The following DPP6 variants were observed in gnomAD, a reference collection of about 807,000 sequenced individuals.
DPP6 encodes A-type potassium channel modulatory protein DPP6.
DPP6 carries 69 observed loss-of-function variants against 122.6 expected under a neutral mutation model. The observed-to-expected ratio is 0.56, with a 90% CI of 0.46 to 0.69. DPP6 has a LOEUF of 0.69. DPP6 is among the 30% of genes least tolerant of loss of function. The pLI is 0.00. For synonymous variants in DPP6, 418 were observed against 433.1 expected, an observed-to-expected ratio of 0.97 and a Z score of 0.43; for missense variants, 928 against 1,116.9, an observed-to-expected ratio of 0.83 and a Z score of 2.41.
chr7:153,831,844 G>A, the DPP6 span, among the ~76,000 whole-genome samples: 3 of 152,132 alleles, frequency 2.0e-5, no homozygotes, highest in Non-Finnish European at 1.5e-5. Flanking sequence ...GGGCTGAGGT[G>A]GGCTCTAGGT....
At chr7:153,911,019 C>T (rs550035324) in intron 1 of DPP6, among the ~76,000 whole-genome samples, 1 of 152,282 alleles carries the variant, frequency 6.6e-6, no homozygotes, top group South Asian at 2.1e-4. Context: ...CCAGAGTGAT[C>T]GTTTTAGACA....
intron 1 of DPP6, among the ~76,000 whole-genome samples, chr7:154,129,865 A>T (rs536160491): frequency 6.6e-6 from 1 of 151,312 alleles, no homozygotes; most frequent in South Asian, 2.1e-4. Flanking sequence ...GTGCCACTGC[A>T]CTCCAGCCTG....
intron 1 of DPP6, among the ~76,000 whole-genome samples, chr7:154,017,719 TAAAAAAATAAAAAAA>T (rs1159376112): frequency 1.2e-5 from 1 of 83,738 alleles, no homozygotes; most frequent in East Asian, 3.0e-4. Context: ...AAAAAAAAAA[TAAAAAAATAAAAAAA>T]AAAAAAAGAA....
chr7:154,250,557 A>G (rs1209131681), intron 1 of DPP6, among the ~76,000 whole-genome samples: 2 of 152,158 alleles, frequency 1.3e-5, no homozygotes, highest in Non-Finnish European at 2.9e-5. Flanking sequence ...GATCCTGTGT[A>G]GGAACTGTAG....
At chr7:153,803,569 T>C in the DPP6 span, among the ~76,000 whole-genome samples, 1,431 of 152,040 alleles carry the variant, frequency 9.4e-3, 5 homozygotes, top group Non-Finnish European at 0.014. Context: ...CGGAATTATA[T>C]CACTGGCTTT....
intron 3 of DPP6, among the ~76,000 whole-genome samples, chr7:154,516,064 A>G (rs747985615): frequency 6.6e-6 from 1 of 152,114 alleles, no homozygotes; most frequent in South Asian, 2.1e-4. Context: ...CCTACAAATA[A>G]TCACTCTTCC....
intron 1 of DPP6, among the ~76,000 whole-genome samples, chr7:154,345,191 A>G (rs1269109230): frequency 6.6e-6 from 1 of 152,088 alleles, no homozygotes; most frequent in East Asian, 1.9e-4. Context: ...CTTGGTCTCC[A>G]CACCGGGCAG....
At chr7:154,193,644 G>A (rs1178424002) in intron 1 of DPP6, among the ~76,000 whole-genome samples, 1 of 152,124 alleles carries the variant, frequency 6.6e-6, no homozygotes, top group African/African-American at 2.4e-5. Flanking sequence ...GGGCATGGGG[G>A]CTTAGAGTGC....
chr7:153,786,323 G>A, the DPP6 span, among the ~76,000 whole-genome samples: 3 of 149,172 alleles, frequency 2.0e-5, no homozygotes, highest in African/African-American at 7.5e-5. Context: ...ATGAGGGATT[G>A]CATATCAAAT....
intron 1 of DPP6, 147 bp from the exon 2 acceptor site, chr7:154,446,066 AG>A (rs753957688): frequency 3.2e-4 from 178 of 564,632 alleles, no homozygotes; most frequent in Non-Finnish European, 4.7e-4. Context: ...AGGGTACAAA[AG>A]GGAACTAATA....
At position 154,411,818 on chromosome 7, in the gene DPP6, C is replaced by T. The variant is rs149246117; in HGVS notation, c.244-34396C>T. On this transcript the variant is annotated intron_variant, in intron 1 of 25. Coordinates refer to ENST00000377770, the MANE Select transcript of DPP6 (RefSeq NM_130797.4). Reference sequence around the variant, plus strand: ...AGTAATTTTAACTCTATGATTTGGGCGCTAATAATACTTATTGCAAGAGCA... The same window carrying T: ...AGTAATTTTAACTCTATGATTTGGGTGCTAATAATACTTATTGCAAGAGCA... 3.0e-4 allele frequency among the ~76,000 whole-genome samples: 46 copies of T among 152,142 alleles called. No individual in the cohort carries two copies. The East Asian group carries it at 5.4e-3, about 18-fold the overall frequency.
chr7:154,746,096 A>C (rs1843024613), intron 8 of DPP6, among the ~76,000 whole-genome samples: 1 of 152,224 alleles, frequency 6.6e-6, no homozygotes, highest in Non-Finnish European at 1.5e-5. Flanking sequence ...GACTAAGTTC[A>C]GGGTATACAT....
chr7:154,773,947 C>T (rs542086467), intron 10 of DPP6, among the ~76,000 whole-genome samples: 3 of 152,302 alleles, frequency 2.0e-5, no homozygotes, highest in Admixed American at 1.3e-4. Flanking sequence ...ACACCCTGAG[C>T]TCCTGCACAG....
chr7:154,579,288 G>T lies in DPP6; in HGVS notation c.627+12372G>T, dbSNP rs1477490657. Among the ~76,000 whole-genome samples the T allele has an allele frequency of 2.6e-5, 4 of 152,218 alleles. No homozygotes were observed. The South Asian group carries it at 6.2e-4, about 24-fold the overall frequency. ...CGCTTGAACCCGGGAGGCAGAGGTG[G>T]CAGTGAGCTGAGATTGTGCCACTGC... On this transcript the variant is annotated intron_variant, in intron 5 of 25. Coordinates refer to ENST00000377770, the MANE Select transcript of DPP6 (RefSeq NM_130797.4).
intron 1 of DPP6, chr7:154,092,741 C>A (rs551471157): frequency 2.5e-4 from 38 of 152,116 alleles, no homozygotes; most frequent in African/African-American, 9.2e-4. Flanking sequence ...TTGAAATGAA[C>A]AAGTAATTGT....
At position 154,877,750 on chromosome 7, in the gene DPP6, C is replaced by T. The variant is rs1045227943; in HGVS notation, c.2078+1650C>T. Among the ~76,000 whole-genome samples, 39 of 152,338 alleles carry T rather than the reference C, an allele frequency of 2.6e-4. No homozygotes were observed. The highest frequency in any genetic ancestry group is 9.4e-4 in the African/African-American group (39 of 41,586). Reference sequence around the variant, plus strand: ...TCCATCTCCCTGGCCCTCCCCTGCCCATTCCAGAACCTGCCACCAGTGAGA... The same window carrying T: ...TCCATCTCCCTGGCCCTCCCCTGCCTATTCCAGAACCTGCCACCAGTGAGA... On this transcript the variant is annotated intron_variant, in intron 20 of 25. Transcript: ENST00000377770. The surrounding 1 kb of genome is among the most constrained non-coding windows in gnomAD (Gnocchi z 5.2).
the DPP6 span, among the ~76,000 whole-genome samples, chr7:153,810,761 T>A: frequency 7.6e-4 from 114 of 149,678 alleles, no homozygotes; most frequent in African/African-American, 2.7e-3. Context: ...TGATAGTTCT[T>A]GCTAAGATAC....
chr7:153,967,699 T>A (rs1364343140), intron 1 of DPP6, among the ~76,000 whole-genome samples: 3 of 152,132 alleles, frequency 2.0e-5, no homozygotes, highest in Non-Finnish European at 4.4e-5. Context: ...TTGGTGGTGC[T>A]TCATGGAATT....
At chr7:154,878,386 C>G (rs1347461723) in intron 20 of DPP6, among the ~76,000 whole-genome samples, 3 of 152,208 alleles carry the variant, frequency 2.0e-5, no homozygotes, top group East Asian at 3.9e-4. Flanking sequence ...CACCGAAGCT[C>G]AAAGAATGGG....
Sources: gnomAD v4.1 joint callset for allele counts (sites outside exome capture counted in the v4.1 genomes callset) on GRCh38, gnomAD v4.1.1 for gene constraint, Gnocchi (gnomAD v3.1) non-coding constraint, MANE v1.5 for transcripts, NCBI Gene and HGNC (gene_info 2026-07-23, HGNC 2026-07-21) for gene names.